SLC29A4: variants seen among roughly 807,000 people sequenced by gnomAD.
SLC29A4 encodes the protein solute carrier family 29 member 4, also known as equilibrative nucleoside transporter 4.
Under a neutral mutation model 43.9 loss-of-function variants are expected in SLC29A4, and 36 were observed. That is an observed-to-expected ratio of 0.82 (90% confidence interval 0.63 to 1.08). The LOEUF is 1.08. Ranked by LOEUF, SLC29A4 falls within the 50% of genes least tolerant of loss-of-function variation. SLC29A4 has a pLI of 0.00. For synonymous variants in SLC29A4, 491 were observed against 338.0 expected (o/e 1.45, Z -4.97); for missense variants, 869 against 755.3 (o/e 1.15, Z -1.77).
rs372832360 is a variant in SLC29A4 at position 5,299,302 on chromosome 7, G to A, written c.1084G>A (p.Val362Met). The A allele has an allele frequency of 4.7e-5, 76 of 1,611,926 alleles. No homozygotes were observed. The highest frequency in any genetic ancestry group is 2.1e-4 in the Middle Eastern group (1 of 4,790). Residue 362 changes from valine (V) to methionine (M), a missense_variant, in exon 9 of 11, where the codon GTG (valine) becomes ATG (methionine). By Grantham distance (21) the Val-to-Met change is conservative (BLOSUM62 1). Coordinates refer to ENST00000396872, the MANE Select transcript of SLC29A4 (RefSeq NM_153247.4). ...VIWADMLSIA[V>M]TYFITLCLFP... ...CTGGGCCGACATGCTCTCCATCGCCGTGACCTACTTCATCACGCTGTGCCT... is the reference window on the plus strand; with the variant it reads ...CTGGGCCGACATGCTCTCCATCGCCATGACCTACTTCATCACGCTGTGCCT...
intron 6 of SLC29A4, among the ~76,000 whole-genome samples, chr7:5,295,415 C>G (rs934813153): frequency 6.6e-6 from 1 of 152,210 alleles, no homozygotes; most frequent in Admixed American, 6.5e-5. Flanking sequence ...TCTCCTCCAC[C>G]CACCCTGCCA....
chr7:5,303,662 C>A lies in SLC29A4; in HGVS notation c.*723C>A, dbSNP rs183498427. 5.2e-5 allele frequency: 8 copies of A among 152,482 alleles called. No individual in the cohort carries two copies. The highest frequency in any genetic ancestry group is 1.7e-4 in the African/African-American group (7 of 41,576). The allele number at this position is 152,482 out of a possible 1,614,324, so 9.4% of individuals were successfully genotyped here. On this transcript the variant is annotated 3_prime_UTR_variant, in exon 11 of 11. Coordinates refer to ENST00000396872, the MANE Select transcript of SLC29A4 (RefSeq NM_153247.4). The stretch of plus-strand genomic sequence containing the variant: ...GGGCTGTGCCTGACTAGGGAGCCCT[C>A]CCATTGCCTTCCTGGCCCGGGATAG...
At chr7:5,295,420 C>G (rs1486411576) in intron 6 of SLC29A4, among the ~76,000 whole-genome samples, 1 of 152,214 alleles carries the variant, frequency 6.6e-6, no homozygotes, top group Non-Finnish European at 1.5e-5. Context: ...TCCACCCACC[C>G]TGCCAATCAC....
At chr7:5,284,368 T>G (rs1345064615) in intron 1 of SLC29A4, among the ~76,000 whole-genome samples, 3 of 152,172 alleles carry the variant, frequency 2.0e-5, no homozygotes, top group African/African-American at 7.2e-5. Flanking sequence ...ACCCAGTCCC[T>G]GTTTGTGACG....
chr7:5,294,727 A>G (rs541344549), intron 5 of SLC29A4, 133 bp from the exon 6 acceptor site: 3 of 882,420 alleles, frequency 3.4e-6, no homozygotes, highest in Non-Finnish European at 5.7e-6. Flanking sequence ...CTGCGTGTCA[A>G]ATCTCTCTGC....
In SLC29A4 at chr7:5,287,816, C is replaced by T. The variant is rs758318760; in HGVS notation, c.-1C>T. ...CTGCTTTCTCCAAAGCAGAGGCTGCCATGGGCTCCGTGGGGAGCCAGCGCC... is the reference window on the plus strand; with the variant it reads ...CTGCTTTCTCCAAAGCAGAGGCTGCTATGGGCTCCGTGGGGAGCCAGCGCC... On this transcript the variant is annotated 5_prime_UTR_variant, in exon 2 of 11. Coordinates refer to ENST00000396872, the MANE Select transcript of SLC29A4 (RefSeq NM_153247.4). 2.5e-6 allele frequency: 4 copies of T among 1,610,876 alleles called. No individual in the cohort carries two copies. Among genetic ancestry groups the T allele is most frequent in the Middle Eastern group, 2.1e-4 (1 of 4,782 alleles).
intron 10 of SLC29A4, among the ~76,000 whole-genome samples, chr7:5,302,119 G>A (rs1304579006): frequency 2.0e-5 from 3 of 152,058 alleles, no homozygotes; most frequent in African/African-American, 7.2e-5. Context: ...CCTGGCGAAT[G>A]TTTGTATTTT....
chr7:5,290,763 T>C lies in SLC29A4; in HGVS notation c.201T>C (p.Tyr67=), dbSNP rs1443204696. ...TLDEPVPDDR[Y]HAIYFAMLLA... ...ACGAGCCAGTGCCCGATGACCGTTA[T>C]CACGCCATCTACTTTGCGATGCTGC... is the stretch of plus-strand genomic sequence containing the variant. Residue 67 remains tyrosine, a synonymous_variant, in exon 3 of 11, where the codon TAT becomes TAC. Transcript: ENST00000396872. 7 of 1,613,530 alleles carry C rather than the reference T, an allele frequency of 4.3e-6. No homozygotes were observed. The highest frequency in any genetic ancestry group is 1.1e-5 in the South Asian group (1 of 91,060).
rs187262401 is a variant in SLC29A4 at position 5,303,273 on chromosome 7, C to T, written c.*334C>T. On this transcript the variant is annotated 3_prime_UTR_variant, in exon 11 of 11. Coordinates refer to ENST00000396872, the MANE Select transcript of SLC29A4 (RefSeq NM_153247.4). ...AGGGTCACACGCACCGTGTCCCCAC[C>T]CAGGACAGCAGACACCCGCCAGAGT... The T allele has an allele frequency of 7.5e-6, 3 of 401,248 alleles. No homozygotes were observed. Among genetic ancestry groups the T allele is most frequent in the African/African-American group, 2.1e-5 (1 of 48,224 alleles). The allele number at this position is 401,248 out of a possible 1,614,324, so 24.9% of individuals were successfully genotyped here. A position where few individuals can be genotyped will look rare whatever the true frequency, so the allele number is the denominator to read the frequency against.
chr7:5,295,002 G>A, intron 6 of SLC29A4, 68 bp downstream of exon 6: 5 of 1,407,502 alleles, frequency 3.6e-6, no homozygotes, highest in Non-Finnish European at 4.9e-6. Flanking sequence ...CTTCTTCCCA[G>A]GGACTCCCCA....
intron 1 of SLC29A4, among the ~76,000 whole-genome samples, chr7:5,283,660 G>C (rs1167138748): frequency 1.3e-5 from 2 of 152,230 alleles, no homozygotes; most frequent in Non-Finnish European, 2.9e-5. Flanking sequence ...CTGCAGAAAG[G>C]GGGTGGCCGG....
intron 2 of SLC29A4, among the ~76,000 whole-genome samples, chr7:5,288,212 G>A (rs1165984855): frequency 6.6e-6 from 1 of 152,068 alleles, no homozygotes; most frequent in East Asian, 1.9e-4. Flanking sequence ...ACAGCCCCAG[G>A]CAGAGGAGGC....
chr7:5,286,602 A>G (rs559655676), intron 1 of SLC29A4, among the ~76,000 whole-genome samples: 8 of 152,170 alleles, frequency 5.3e-5, no homozygotes, highest in African/African-American at 1.9e-4. Context: ...GGCTGCCCAC[A>G]CAGTGCAAGC....
chr7:5,297,569 C>T (rs1373607743), intron 7 of SLC29A4, among the ~76,000 whole-genome samples: 1 of 152,250 alleles, frequency 6.6e-6, no homozygotes, highest in African/African-American at 2.4e-5. Context: ...TCTCAGCCCT[C>T]CTGGCTGCGC....
At chr7:5,284,242 T>C (rs1283936844) in intron 1 of SLC29A4, among the ~76,000 whole-genome samples, 1 of 152,050 alleles carries the variant, frequency 6.6e-6, no homozygotes. Context: ...TTAAAAAAAT[T>C]AATAAATGGG....
intron 7 of SLC29A4, 124 bp from the exon 8 acceptor site, chr7:5,298,864 G>A (rs140271963): frequency 2.1e-5 from 22 of 1,044,728 alleles, no homozygotes; most frequent in African/African-American, 2.1e-4. Context: ...TCTGCACACA[G>A]TAGGTACCAC....
chr7:5,300,355 T>C (rs1253896589), intron 9 of SLC29A4, 67 bp from the exon 10 acceptor site: 6 of 1,601,742 alleles, frequency 3.7e-6, no homozygotes, highest in Non-Finnish European at 5.1e-6. Flanking sequence ...GGCTAGAGGC[T>C]GTCGGGGGTG....
rs1024392377 is a variant in SLC29A4 at position 5,303,168 on chromosome 7, GT to G, written c.*231del. The G allele has an allele frequency of 6.6e-6, 4 of 601,552 alleles. No homozygotes were observed. Among genetic ancestry groups the G allele is most frequent in the Non-Finnish European group, 1.2e-5 (4 of 343,348 alleles). The allele number at this position is 601,552 out of a possible 1,614,324, so 37.3% of individuals were successfully genotyped here. The stretch of plus-strand genomic sequence containing the variant: ...GACCCGGGGCTCTGGCCAGCACTGT[GT>G]TCTGCGTTTGGTCTCATACCTGCGT... On this transcript the variant is annotated 3_prime_UTR_variant, in exon 11 of 11. Coordinates refer to ENST00000396872, the MANE Select transcript of SLC29A4 (RefSeq NM_153247.4).
Position 5,303,214 on chromosome 7 carries a change from A to G in SLC29A4, c.*275A>G. On this transcript the variant is annotated 3_prime_UTR_variant, in exon 11 of 11. Transcript: ENST00000396872. ...CTGCGTCTACCTTCCATCTGTGTCCAGCGGCCCCGGCTCCAGCCCAGCCAG... is the reference window on the plus strand; with the variant it reads ...CTGCGTCTACCTTCCATCTGTGTCCGGCGGCCCCGGCTCCAGCCCAGCCAG... The G allele has an allele frequency of 5.6e-6, 3 of 532,066 alleles. No homozygotes were observed. The highest frequency in any genetic ancestry group is 1.0e-5 in the Non-Finnish European group (3 of 296,986). The allele number at this position is 532,066 out of a possible 1,614,324, so 33.0% of individuals were successfully genotyped here. A position where few individuals can be genotyped will look rare whatever the true frequency, so the allele number is the denominator to read the frequency against.
Sources: gnomAD v4.1 joint callset for allele counts (sites outside exome capture counted in the v4.1 genomes callset) on GRCh38, gnomAD v4.1.1 for gene constraint, MANE v1.5 for transcripts, NCBI Gene and HGNC (gene_info 2026-07-23, HGNC 2026-07-21) for gene names.